The following ASMT variants were observed in gnomAD, a reference collection of about 807,000 sequenced individuals.
ASMT encodes acetylserotonin O-methyltransferase, also known as acetylserotonin N-methyltransferase.
In ASMT, 53 loss-of-function variants were observed where a neutral mutation model predicts 41.3. The ratio of observed to expected loss-of-function variants is 1.28; its 90% CI spans 1.03 to 1.61. The LOEUF (loss-of-function observed/expected upper bound fraction) is 1.61. ASMT is among the 40% of genes most tolerant of loss of function. The pLI, the probability that ASMT is intolerant of heterozygous loss-of-function variation, is 0.00. For synonymous variants in ASMT, 231 were observed against 184.8 expected (o/e 1.25, Z -2.03); for missense variants, 531 against 441.3 (o/e 1.20, Z -1.82).
intron 1 of ASMT, among the ~76,000 whole-genome samples, chrX:1,615,565 G>A (rs1934054033): frequency 6.6e-6 from 1 of 152,092 alleles, no homozygotes; most frequent in African/African-American, 2.4e-5. Flanking sequence ...CACTTTGGGA[G>A]GCTGAGGCGG....
rs191790615 is a variant in ASMT at position 1,642,754 on chromosome X, T to C, written c.911-49T>C. The C allele has an allele frequency of 1.6e-4, 257 of 1,568,340 alleles. 2 individuals carry two copies. In the South Asian group the frequency reaches 2.7e-3, roughly 17 times the overall value. On this transcript the variant is annotated intron_variant, in intron 8 of 8. Transcript: ENST00000381241. ...ATGGTTCACTGGGACTTTGGCACAG[T>C]CTGTCTGTGTGTTTGTGTGTGATGT...
chrX:1,631,100 G>A (rs1934760008), intron 5 of ASMT, among the ~76,000 whole-genome samples: 1 of 148,056 alleles, frequency 6.8e-6, no homozygotes, highest in Non-Finnish European at 1.5e-5. Flanking sequence ...TTTTTTAGTA[G>A]AGACGGGGTT....
chrX:1,636,541 C>G lies in ASMT; in HGVS notation c.891C>G (p.Ile297Met), dbSNP rs146121655. 202 of 1,613,174 alleles carry G rather than the reference C, an allele frequency of 1.3e-4. No individual in the cohort carries two copies. In the African/African-American group the frequency reaches 2.3e-3, roughly 18 times the overall value. The stretch of plus-strand genomic sequence containing the variant: ...AGTGCTCACACCTGCTGGAGAGGAT[C>G]TACCACACTTGCAAGCCAGGTAAGT... Reference protein sequence around the residue: ...DGKCSHLLERIYHTCKPGGGI... With the variant: ...DGKCSHLLERMYHTCKPGGGI... Residue 297 changes from isoleucine (I) to methionine (M), a missense_variant, in exon 8 of 9, where the codon ATC becomes ATG. Coordinates refer to ENST00000381241, the MANE Select transcript of ASMT (RefSeq NM_001171038.2).
At chrX:1,642,721 C>A in intron 8 of ASMT, 82 bp from the exon 9 acceptor site, 1 of 1,317,774 alleles carries the variant, frequency 7.6e-7, no homozygotes, top group Non-Finnish European at 1.1e-6. Context: ...TGAGGTCTGG[C>A]TGTCCTTATG....
chrX:1,625,124 A>C (rs1332727992), intron 3 of ASMT, among the ~76,000 whole-genome samples: 1 of 92,204 alleles, frequency 1.1e-5, no homozygotes, highest in Non-Finnish European at 2.0e-5. Flanking sequence ...TTTTTTTTTG[A>C]GATGGAGTCT....
intron 4 of ASMT, 155 bp downstream of exon 4, chrX:1,627,926 G>A (rs1244289646): frequency 6.5e-6 from 5 of 767,204 alleles, no homozygotes; most frequent in Non-Finnish European, 1.1e-5. Flanking sequence ...TACTACCCCA[G>A]ATTTTGCTCA....
At chrX:1,616,282 G>T (rs1934106207) in intron 1 of ASMT, among the ~76,000 whole-genome samples, 1 of 151,398 alleles carries the variant, frequency 6.6e-6, no homozygotes, top group Non-Finnish European at 1.5e-5. Flanking sequence ...ACCTGCCTCG[G>T]CCTCCCAAGG....
At position 1,626,405 on chromosome X, in the gene ASMT, G is replaced by A. The variant is rs1360700005; in HGVS notation, c.375-1298G>A. On this transcript the variant is annotated intron_variant, in intron 3 of 8. Transcript: ENST00000381241. ...ATCCACCACACCTGGCTGATTGTTT[G>A]TGTTTTAGTAGAGACGGGGTTTCAC... is the stretch of plus-strand genomic sequence containing the variant. Among the ~76,000 whole-genome samples the A allele has an allele frequency of 2.0e-5, 3 of 151,824 alleles. No homozygotes were observed. The South Asian group carries it at 6.2e-4, about 32-fold the overall frequency.
At position 1,624,314 on chromosome X, in the gene ASMT, T is replaced by A; in HGVS notation, c.290T>A (p.Val97Asp). The change falls in exon 3 of 9, where the codon GTC becomes GAC. Residue 97 changes from valine (V) to aspartate (D), a missense_variant. Coordinates refer to ENST00000381241, the MANE Select transcript of ASMT (RefSeq NM_001171038.2). ...CTGTCCAGCGACTACCTGACCACGG[T>A]CAGCCCGACGTCACAATGCAGCATG... Reference protein sequence around the residue: ...TELSSDYLTTVSPTSQCSMLK... With the variant: ...TELSSDYLTTDSPTSQCSMLK... 1 of 1,614,000 alleles carries A rather than the reference T, an allele frequency of 6.2e-7. No individual in the cohort carries two copies. The highest frequency in any genetic ancestry group is 8.5e-7 in the Non-Finnish European group (1 of 1,179,874).
Position 1,615,552 on chromosome X carries a change from C to G in ASMT, c.69+284C>G, listed in dbSNP as rs192042065. ...TCGTGGTGGCTCACACCTGTGATCC[C>G]AGCACTTTGGGAGGCTGAGGCGGGC... On this transcript the variant is annotated intron_variant, in intron 1 of 8. Transcript: ENST00000381241. 8.5e-5 allele frequency among the ~76,000 whole-genome samples: 13 copies of G among 152,116 alleles called. No homozygotes were observed. In the East Asian group the frequency reaches 2.5e-3, roughly 29 times the overall value.
intron 8 of ASMT, among the ~76,000 whole-genome samples, chrX:1,641,382 T>A (rs1346970272): frequency 7.1e-6 from 1 of 139,872 alleles, no homozygotes; most frequent in African/African-American, 2.6e-5. Flanking sequence ...CATGTCCCAG[T>A]GTCCTGTGAG....
intron 7 of ASMT, 90 bp from the exon 8 acceptor site, chrX:1,636,348 C>T (rs1240561139): frequency 6.3e-7 from 1 of 1,585,772 alleles, no homozygotes; most frequent in Non-Finnish European, 8.7e-7. Context: ...AAGGCGTGAC[C>T]CATCCAGGTG....
At chrX:1,622,251 C>G (rs1414008069) in intron 1 of ASMT, among the ~76,000 whole-genome samples, 1 of 151,116 alleles carries the variant, frequency 6.6e-6, no homozygotes, top group Non-Finnish European at 1.5e-5. Flanking sequence ...CTAGGCCTCC[C>G]AAAGTGCTGG....
intron 4 of ASMT, among the ~76,000 whole-genome samples, chrX:1,629,500 G>C (rs1934688658): frequency 6.6e-6 from 1 of 152,204 alleles, no homozygotes; most frequent in Non-Finnish European, 1.5e-5. Flanking sequence ...CTCTGGGGCT[G>C]AGCTCTGTGG....
Position 1,615,129 on chromosome X carries a change from C to T in ASMT, c.-71C>T. 1 of 1,438,510 alleles carries T rather than the reference C, an allele frequency of 7.0e-7. No homozygotes were observed. Among genetic ancestry groups the T allele is most frequent in the Non-Finnish European group, 9.6e-7 (1 of 1,043,152 alleles). 89.1% of individuals were successfully genotyped at this position (1,438,510 alleles called of 1,614,324 possible). ...GAGCGGGTGGCTCTTCCCCACCTTG[C>T]CAGCAGGCTCTGTGCTCCTTGAAGC... On this transcript the variant is annotated 5_prime_UTR_variant, in exon 1 of 9. Coordinates refer to ENST00000381241, the MANE Select transcript of ASMT (RefSeq NM_001171038.2).
At chrX:1,623,412 C>G (rs1156679823) in intron 2 of ASMT, 99 bp downstream of exon 2, 3 of 1,436,898 alleles carry the variant, frequency 2.1e-6, no homozygotes, top group Non-Finnish European at 2.9e-6. Flanking sequence ...CTGGCTCACA[C>G]AGTGAAACCC....
chrX:1,636,097 A>C, intron 7 of ASMT: 1 of 357,406 alleles, frequency 2.8e-6, no homozygotes, highest in East Asian at 7.2e-5. Context: ...CTGGGACCAC[A>C]GGCACCCGCC....
intron 8 of ASMT, among the ~76,000 whole-genome samples, chrX:1,640,443 G>A (rs1223117096): frequency 2.7e-5 from 1 of 37,692 alleles, no homozygotes; most frequent in Non-Finnish European, 3.8e-5. Context: ...TGTGGGCACA[G>A]CCTCTGTGTG....
intron 1 of ASMT, among the ~76,000 whole-genome samples, chrX:1,622,287 C>T (rs1197798679): frequency 2.0e-5 from 3 of 151,520 alleles, no homozygotes; most frequent in Admixed American, 1.3e-4. Context: ...CCACCACGCC[C>T]GGTCCTCTGT....
Sources: gnomAD v4.1 joint callset for allele counts (sites outside exome capture counted in the v4.1 genomes callset) on GRCh38, gnomAD v4.1.1 for gene constraint, MANE v1.5 for transcripts, NCBI Gene and HGNC (gene_info 2026-07-23, HGNC 2026-07-21) for gene names.